The following RBFOX1 variants were observed in gnomAD, a reference collection of about 807,000 sequenced individuals.
RBFOX1 encodes RNA binding protein fox-1 homolog 1.
Under a neutral mutation model 57.7 loss-of-function variants are expected in RBFOX1, and 8 were observed. That is an observed-to-expected ratio of 0.14 (90% CI 0.08 to 0.25). The LOEUF (loss-of-function observed/expected upper bound fraction) is 0.25. Among genes scored for constraint, RBFOX1 ranks in the 10% least tolerant of loss-of-function variants. The pLI is 1.00. For synonymous variants in RBFOX1, 326 were observed against 222.4 expected, an observed-to-expected ratio of 1.47 and a Z score of -4.15; for missense variants, 611 against 548.5, an observed-to-expected ratio of 1.11 and a Z score of -1.14.
At chr16:6,940,779 TG>T (rs2078258072) in intron 3 of RBFOX1, among the ~76,000 whole-genome samples, 1 of 110,080 alleles carries the variant, frequency 9.1e-6, no homozygotes, top group Non-Finnish European at 2.1e-5. Context: ...TGTGTGTGTG[TG>T]TGTGTGTGTG....
At chr16:5,576,996 C>A (rs184681885) in intron 2 of RBFOX1, among the ~76,000 whole-genome samples, 9 of 152,256 alleles carry the variant, frequency 5.9e-5, no homozygotes, top group Admixed American at 5.9e-4. Flanking sequence ...AGTTCAGAAC[C>A]CTCGGCGGAG....
intron 3 of RBFOX1, among the ~76,000 whole-genome samples, chr16:6,683,034 G>A (rs185469207): frequency 1.2e-3 from 190 of 152,154 alleles, no homozygotes; most frequent in African/African-American, 4.2e-3. Context: ...CCATCCATAT[G>A]ACCCTGCTTT....
At chr16:7,406,063 G>A (rs2098334984) in intron 4 of RBFOX1, among the ~76,000 whole-genome samples, 1 of 152,208 alleles carries the variant, frequency 6.6e-6, no homozygotes, top group Non-Finnish European at 1.5e-5. Context: ...ATTGGCAATA[G>A]TGAAGGGAAG....
At chr16:6,307,065 A>T (rs1200793728) in intron 1 of RBFOX1, among the ~76,000 whole-genome samples, 1 of 152,200 alleles carries the variant, frequency 6.6e-6, no homozygotes, top group Non-Finnish European at 1.5e-5. Flanking sequence ...CAGCGTAAGG[A>T]CTTCAGAGTC....
At chr16:6,605,270 A>C (rs1246940712) in intron 2 of RBFOX1, among the ~76,000 whole-genome samples, 1 of 151,964 alleles carries the variant, frequency 6.6e-6, no homozygotes, top group Non-Finnish European at 1.5e-5. Context: ...CAACACATAC[A>C]ATTAAAGAAA....
At chr16:6,752,331 G>A (rs1346044606) in intron 3 of RBFOX1, among the ~76,000 whole-genome samples, 1 of 152,132 alleles carries the variant, frequency 6.6e-6, no homozygotes, top group African/African-American at 2.4e-5. Context: ...ATTATCAGAC[G>A]AAATACAATG....
intron 4 of RBFOX1, among the ~76,000 whole-genome samples, chr16:7,331,163 A>G (rs1381739664): frequency 1.3e-5 from 2 of 152,186 alleles, no homozygotes; most frequent in Admixed American, 6.5e-5. Context: ...TCAAGCAACT[A>G]AAATTAGTGT....
intron 3 of RBFOX1, among the ~76,000 whole-genome samples, chr16:5,678,384 C>A (rs1027845272): frequency 6.6e-6 from 1 of 152,186 alleles, no homozygotes; most frequent in Non-Finnish European, 1.5e-5. Flanking sequence ...CCAAGAACTC[C>A]TTTTCTTTTG....
chr16:6,142,671 A>T (rs1342490414), intron 1 of RBFOX1, among the ~76,000 whole-genome samples: 3 of 152,210 alleles, frequency 2.0e-5, no homozygotes, highest in Non-Finnish European at 4.4e-5. Context: ...GAATGAGTGA[A>T]TGAAGGAATG....
At chr16:7,161,339 G>A (rs371901444) in intron 4 of RBFOX1, among the ~76,000 whole-genome samples, 2 of 152,064 alleles carry the variant, frequency 1.3e-5, no homozygotes, top group South Asian at 2.1e-4. Context: ...TGTTCTTTAT[G>A]CTTTTAGCAT....
intron 2 of RBFOX1, among the ~76,000 whole-genome samples, chr16:6,527,625 C>T (rs578006160): frequency 4.6e-5 from 7 of 152,196 alleles, no homozygotes; most frequent in South Asian, 4.1e-4. Context: ...GATGTGGAAA[C>T]CCCCTTATCT....
chr16:6,849,824 C>G (rs1046269483), intron 3 of RBFOX1, among the ~76,000 whole-genome samples: 5 of 152,190 alleles, frequency 3.3e-5, no homozygotes, highest in African/African-American at 9.7e-5. Context: ...TCCTCTCTCC[C>G]TCTTTTCTTT....
rs184203927 is a variant in RBFOX1, at chr16:6,569,484, C to T, written c.-63-85119C>T. On this transcript the variant is annotated intron_variant, in intron 2 of 15. Coordinates refer to ENST00000550418, the MANE Select transcript of RBFOX1 (RefSeq NM_018723.4). ...CAGTGCCAAAGTAATTGTTGCTTCC[C>T]ATAGCTTATCCTTCACTAGATGGAA... Among the ~76,000 whole-genome samples the T allele has an allele frequency of 8.5e-5, 13 of 152,274 alleles. No individual in the cohort carries two copies. The East Asian group carries it at 2.3e-3, about 27-fold the overall frequency.
At chr16:7,457,897 A>G (rs2058834031) in intron 4 of RBFOX1, among the ~76,000 whole-genome samples, 1 of 152,058 alleles carries the variant, frequency 6.6e-6, no homozygotes, top group Non-Finnish European at 1.5e-5. Context: ...TCTAATGTCC[A>G]GTTAACGTAT....
rs182431628 is a variant in RBFOX1, at chr16:6,316,889, G to A, written c.-126-106G>A. The A allele has an allele frequency of 3.7e-5, 29 of 776,992 alleles. No homozygotes were observed. In the East Asian group the frequency reaches 6.8e-4, roughly 18 times the overall value. 48.1% of individuals were successfully genotyped at this position (776,992 alleles called of 1,614,324 possible). On this transcript the variant is annotated intron_variant, in intron 1 of 15. Transcript: ENST00000550418. ...TGCTGTTAAATTCACAATATAGTCA[G>A]AACCTATTTTGAAGGTTGGTCCATA...
intron 2 of RBFOX1, among the ~76,000 whole-genome samples, chr16:6,540,461 A>C (rs2096798281): frequency 6.6e-6 from 1 of 151,924 alleles, no homozygotes; most frequent in Admixed American, 6.6e-5. Flanking sequence ...AAAATACAAA[A>C]ATTAGCCAGG....
At chr16:5,519,640 G>T (rs2043934667) in intron 2 of RBFOX1, among the ~76,000 whole-genome samples, 1 of 152,140 alleles carries the variant, frequency 6.6e-6, no homozygotes, top group South Asian at 2.1e-4. Flanking sequence ...CAAGAAGATT[G>T]CTTGAGCCCA....
At chr16:6,621,619 A>G (rs1223004131) in intron 2 of RBFOX1, among the ~76,000 whole-genome samples, 4 of 152,174 alleles carry the variant, frequency 2.6e-5, no homozygotes, top group African/African-American at 9.7e-5. Context: ...GGAAGTGGGC[A>G]TATCTTTTCG....
intron 3 of RBFOX1, among the ~76,000 whole-genome samples, chr16:5,716,268 A>T (rs1022471510): frequency 6.6e-6 from 1 of 152,210 alleles, no homozygotes; most frequent in Non-Finnish European, 1.5e-5. Flanking sequence ...TTTTGTACCA[A>T]GCTAATAAGT....
Sources: gnomAD v4.1 joint callset for allele counts (sites outside exome capture counted in the v4.1 genomes callset) on GRCh38, gnomAD v4.1.1 for gene constraint, MANE v1.5 for transcripts, NCBI Gene and HGNC (gene_info 2026-07-23, HGNC 2026-07-21) for gene names.